ZNF143: variants seen among roughly 807,000 people sequenced by gnomAD.
ZNF143 encodes zinc finger protein 143.
ZNF143 carries 49 observed loss-of-function variants against 74.1 expected under a neutral mutation model. That is an observed-to-expected ratio of 0.66 (90% CI 0.53 to 0.84). The LOEUF (loss-of-function observed/expected upper bound fraction) is 0.84, where lower values mean the gene tolerates loss of function less well. ZNF143 is among the 40% of genes least tolerant of loss of function. The pLI, the probability that ZNF143 is intolerant of heterozygous loss-of-function variation, is 0.00. For missense variants in ZNF143, 637 were observed against 793.4 expected, an observed-to-expected ratio of 0.80 and a Z score of 2.37; for synonymous variants, 304 against 282.8, an observed-to-expected ratio of 1.07 and a Z score of -0.75.
chr11:9,477,175 T>TCCC (rs1856971727), intron 5 of ZNF143, among the ~76,000 whole-genome samples: 1 of 92,182 alleles, frequency 1.1e-5, no homozygotes, highest in Non-Finnish European at 2.1e-5. Context: ...TCCTTCCTCC[T>TCCC]CTCCCTTCCC....
intron 7 of ZNF143, among the ~76,000 whole-genome samples, chr11:9,490,906 A>G (rs1234981509): frequency 6.6e-6 from 1 of 151,762 alleles, no homozygotes; most frequent in Non-Finnish European, 1.5e-5. Context: ...CTATTTTTTT[A>G]TCTTTTGCAG....
chr11:9,497,545 A>T, intron 9 of ZNF143, 130 bp from the exon 10 acceptor site: 1 of 721,008 alleles, frequency 1.4e-6, no homozygotes, highest in South Asian at 2.3e-5. Context: ...TGTACATTTT[A>T]AATAGTTATT....
rs747490309 is a variant in ZNF143 at position 9,508,556 on chromosome 11, A to G, written c.1148-63A>G. ...AGAGGTATTTTACCCCCTGGGGGGG[A>G]AGTATGGAATGATTTTGCCTACATA... On this transcript the variant is annotated intron_variant, in intron 11 of 15. Transcript: ENST00000396602. The G allele has an allele frequency of 6.9e-5, 102 of 1,482,578 alleles. No individual in the cohort carries two copies. In the East Asian group the frequency reaches 7.5e-4, roughly 11 times the overall value. 91.8% of individuals were successfully genotyped at this position (1,482,578 alleles called of 1,614,324 possible). A position where few individuals can be genotyped will look rare whatever the true frequency, so the allele number is the denominator to read the frequency against.
chr11:9,482,802 G>T (rs1847299628), intron 7 of ZNF143, among the ~76,000 whole-genome samples: 1 of 151,274 alleles, frequency 6.6e-6, no homozygotes, highest in African/African-American at 2.5e-5. Flanking sequence ...AAATTGAGAT[G>T]TGCTGTAAGT....
At position 9,467,884 on chromosome 11, in the gene ZNF143, C is replaced by T. The variant is rs529426203; in HGVS notation, c.-7-3418C>T. ...AAAAAAAAGTTGTCTGTCAGGAATT[C>T]CTTCTATAATTTTCACAATTATCTA... On this transcript the variant is annotated intron_variant, in intron 1 of 15. Coordinates refer to ENST00000396602, the MANE Select transcript of ZNF143 (RefSeq NM_003442.6). 1.3e-4 allele frequency among the ~76,000 whole-genome samples: 20 copies of T among 149,868 alleles called. No homozygotes were observed. The East Asian group carries it at 1.6e-3, about 12-fold the overall frequency.
chr11:9,520,281 C>T (rs1848873002), intron 14 of ZNF143, among the ~76,000 whole-genome samples: 1 of 150,530 alleles, frequency 6.6e-6, no homozygotes, highest in Admixed American at 6.6e-5. Context: ...GGTGATCCAC[C>T]CGCCTCGGCT....
At chr11:9,494,315 AT>A (rs1488342120) in intron 7 of ZNF143, among the ~76,000 whole-genome samples, 1 of 152,152 alleles carries the variant, frequency 6.6e-6, no homozygotes, top group East Asian at 1.9e-4. Context: ...TGATTGATTG[AT>A]TGATTGAGAC....
intron 7 of ZNF143, among the ~76,000 whole-genome samples, chr11:9,486,431 ATATATATAATATATTAT>A (rs1847538122): frequency 2.1e-5 from 1 of 46,790 alleles, no homozygotes; most frequent in African/African-American, 7.1e-5. Flanking sequence ...TATATATATT[ATATATATAATATATTAT>A]ATATATTATA....
chr11:9,502,993 G>T (rs1389002912), intron 11 of ZNF143, among the ~76,000 whole-genome samples: 2 of 152,044 alleles, frequency 1.3e-5, no homozygotes, highest in African/African-American at 4.8e-5. Context: ...ACCATGCCTG[G>T]CTAATTTTTT....
chr11:9,497,870 G>A (rs951995895), intron 10 of ZNF143, 70 bp downstream of exon 10: 11 of 1,233,588 alleles, frequency 8.9e-6, no homozygotes, highest in African/African-American at 3.5e-5. Context: ...TCGCTCTGTC[G>A]CCTAGGCTGG....
At chr11:9,486,453 ATTATATAT>A (rs1847552231) in intron 7 of ZNF143, among the ~76,000 whole-genome samples, 1 of 65,418 alleles carries the variant, frequency 1.5e-5, no homozygotes, top group Non-Finnish European at 3.1e-5. Flanking sequence ...TATTATATAT[ATTATATAT>A]ATATAAAAGC....
rs893199264 is a variant in ZNF143, at chr11:9,478,373, C to G, written c.374-17C>G. On this transcript the variant is annotated splice_polypyrimidine_tract_variant and intron_variant, in intron 5 of 15. Coordinates refer to ENST00000396602, the MANE Select transcript of ZNF143 (RefSeq NM_003442.6). ...ATTTTACCTTTAATTTAATGGCATT[C>G]TCTTCCACTCTCTCAGATAGTTATG... The G allele has an allele frequency of 6.3e-7, 1 of 1,594,166 alleles. No homozygotes were observed. The highest frequency in any genetic ancestry group is 1.3e-5 in the African/African-American group (1 of 74,706).
chr11:9,483,875 G>A (rs897923749), intron 7 of ZNF143, among the ~76,000 whole-genome samples: 1 of 149,374 alleles, frequency 6.7e-6, no homozygotes, highest in African/African-American at 2.5e-5. Flanking sequence ...TCAGCCTCAC[G>A]AGTAGCTGGG....
chr11:9,509,987 A>G (rs1393261633), intron 12 of ZNF143, among the ~76,000 whole-genome samples: 7 of 152,208 alleles, frequency 4.6e-5, no homozygotes, highest in Non-Finnish European at 5.9e-5. Flanking sequence ...ATCCTACAAC[A>G]ACTGCTGAGT....
chr11:9,492,741 G>A (rs1236127963), intron 7 of ZNF143, among the ~76,000 whole-genome samples: 1 of 152,070 alleles, frequency 6.6e-6, no homozygotes, highest in Non-Finnish European at 1.5e-5. Context: ...CATTTTCAGG[G>A]TGAACCTAGC....
intron 7 of ZNF143, 60 bp from the exon 8 acceptor site, chr11:9,494,586 C>T (rs754785155): frequency 3.1e-5 from 48 of 1,549,224 alleles, no homozygotes; most frequent in Non-Finnish European, 4.1e-5. Context: ...GCTAAGATTA[C>T]TGGCATGAGC....
chr11:9,490,702 A>G (rs1293624507), intron 7 of ZNF143, among the ~76,000 whole-genome samples: 1 of 152,208 alleles, frequency 6.6e-6, no homozygotes, highest in Non-Finnish European at 1.5e-5. Context: ...TAAAGGGTTC[A>G]TAGAGGCTCT....
chr11:9,470,307 G>T (rs1309764841), intron 1 of ZNF143, among the ~76,000 whole-genome samples: 1 of 152,188 alleles, frequency 6.6e-6, no homozygotes, highest in African/African-American at 2.4e-5. Flanking sequence ...AGAAGTCTCT[G>T]TCCATTCTCA....
At chr11:9,466,213 C>T (rs1454924429) in intron 1 of ZNF143, among the ~76,000 whole-genome samples, 1 of 151,724 alleles carries the variant, frequency 6.6e-6, no homozygotes, top group Non-Finnish European at 1.5e-5. Context: ...GAACTCCTGA[C>T]CTTAGGTGAT....
Sources: gnomAD v4.1 joint callset for allele counts (sites outside exome capture counted in the v4.1 genomes callset) on GRCh38, gnomAD v4.1.1 for gene constraint, MANE v1.5 for transcripts, NCBI Gene and HGNC (gene_info 2026-07-23, HGNC 2026-07-21) for gene names.